Variants in MYOM2 observed in about 807,000 individuals in gnomAD.
The protein encoded by MYOM2 is myomesin-2.
A neutral mutation model predicts 187.6 loss-of-function variants in MYOM2; 254 were observed. The observed-to-expected ratio is 1.35, with a 90% CI of 1.22 to 1.50. The LOEUF (loss-of-function observed/expected upper bound fraction) is 1.50, where lower values mean the gene tolerates loss of function less well. Ranked by LOEUF, MYOM2 falls within the 40% of genes most tolerant of loss-of-function variation. The probability of loss-of-function intolerance (pLI) is 0.00; values close to 1 mark genes in which losing one functional copy is unlikely to be tolerated. For synonymous variants in MYOM2, 981 were observed against 753.8 expected, an observed-to-expected ratio of 1.30 and a Z score of -4.94; for missense variants, 2,796 against 1,924.0, an observed-to-expected ratio of 1.45 and a Z score of -8.48.
At position 2,076,827 on chromosome 8, in the gene MYOM2, A is replaced by G. The variant is rs557204228; in HGVS notation, c.1262+545A>G. 2.6e-4 allele frequency among the ~76,000 whole-genome samples: 40 copies of G among 152,334 alleles called. No individual in the cohort carries two copies. The South Asian group carries it at 5.0e-3, about 19-fold the overall frequency. On this transcript the variant is annotated intron_variant, in intron 11 of 36. Transcript: ENST00000262113. ...TGAGTTGATAACTTACATTTAGGTC[A>G]TCGTTGGAGCCAGTGGAGTTTGAAT... is the stretch of plus-strand genomic sequence containing the variant.
intron 17 of MYOM2, among the ~76,000 whole-genome samples, chr8:2,095,242 A>C (rs1210552837): frequency 6.6e-6 from 1 of 152,012 alleles, no homozygotes; most frequent in Admixed American, 6.5e-5. Flanking sequence ...GGGACTTTCA[A>C]ACATTCCCAT....
chr8:2,085,229 C>A, intron 13 of MYOM2, 34 bp from the exon 14 acceptor site: 1 of 1,605,754 alleles, frequency 6.2e-7, no homozygotes, highest in Non-Finnish European at 8.5e-7. Context: ...TGATGGGGGT[C>A]CTTCAGCACT....
chr8:2,095,535 T>G (rs1260106587), intron 17 of MYOM2, among the ~76,000 whole-genome samples: 4 of 152,116 alleles, frequency 2.6e-5, no homozygotes, highest in African/African-American at 9.7e-5. Flanking sequence ...TAAGCAATCC[T>G]CCTGCCTCGG....
In MYOM2 at chr8:2,140,939, A is replaced by G. The variant is rs1445285149; in HGVS notation, c.3964+53A>G. 3.3e-6 allele frequency: 5 copies of G among 1,536,424 alleles called. No homozygotes were observed. The African/African-American group carries it at 5.5e-5, about 17-fold the overall frequency. The stretch of plus-strand genomic sequence containing the variant: ...TAATTTCCTATTTAGAAATCCATTT[A>G]GATGCTGAAGGGAGGGAATACAATA... On this transcript the variant is annotated intron_variant, in intron 33 of 36. Transcript: ENST00000262113.
At chr8:2,143,257 A>G in intron 35 of MYOM2, 144 bp from the exon 36 acceptor site, 1 of 920,030 alleles carries the variant, frequency 1.1e-6, no homozygotes, top group Non-Finnish European at 1.7e-6. Context: ...GTAAACATAT[A>G]AACCTTTTTC....
chr8:2,127,645 CAGG>C (rs2116874859), intron 31 of MYOM2: 1 of 120,498 alleles, frequency 8.3e-6, no homozygotes, highest in Non-Finnish European at 1.9e-5. Flanking sequence ...GACGCAGCCG[CAGG>C]CAGGCAGTAC....
At chr8:2,045,392 GC>G in intron 1 of MYOM2, among the ~76,000 whole-genome samples, 1 of 152,166 alleles carries the variant, frequency 6.6e-6, no homozygotes. Context: ...ATTTCCCACA[GC>G]CGTGGTCTTT....
At chr8:2,106,128 T>C (rs1284916752) in intron 21 of MYOM2, 114 bp from the exon 22 acceptor site, 1 of 1,076,590 alleles carries the variant, frequency 9.3e-7, no homozygotes, top group East Asian at 2.4e-5. Flanking sequence ...GGGATTACAA[T>C]TTGAGATGAG....
At chr8:2,106,632 G>GT (rs1796903480) in intron 23 of MYOM2, 35 bp downstream of exon 23, 1 of 1,455,780 alleles carries the variant, frequency 6.9e-7, no homozygotes, top group African/African-American at 1.4e-5. Flanking sequence ...GCCTGTTTTG[G>GT]TTTTATCACA....
intron 6 of MYOM2, among the ~76,000 whole-genome samples, chr8:2,064,740 C>T (rs889247823): frequency 6.6e-6 from 1 of 152,186 alleles, no homozygotes; most frequent in Admixed American, 6.5e-5. Context: ...CGAGGGGGGC[C>T]GTGGCCTGGG....
At chr8:2,057,872 G>T in intron 5 of MYOM2, 92 bp downstream of exon 5, 1 of 1,380,438 alleles carries the variant, frequency 7.2e-7, no homozygotes, top group South Asian at 1.4e-5. Context: ...CATTGAACCT[G>T]TGCTGGAGGC....
chr8:2,110,846 G>C (rs1417233957), intron 25 of MYOM2, among the ~76,000 whole-genome samples: 1 of 85,664 alleles, frequency 1.2e-5, no homozygotes, highest in South Asian at 4.5e-4. Flanking sequence ...CAGAAGTCTT[G>C]CAGGTAAGGA....
Position 2,086,497 on chromosome 8 carries a change from CCACTGTCGTGATCTCTGCGTGGCCCCA to C in MYOM2, c.1644+1118_1644+1144del, listed in dbSNP as rs1391501328. Among the ~76,000 whole-genome samples, 55 of 142,002 alleles carry C rather than the reference CCACTGTCGTGATCTCTGCGTGGCCCCA, an allele frequency of 3.9e-4. No individual in the cohort carries two copies. The East Asian group carries it at 5.4e-3, about 14-fold the overall frequency. 93.2% of individuals were successfully genotyped at this position (142,002 alleles called of 152,430 possible). The stretch of plus-strand genomic sequence containing the variant: ...ACTGTCATGATCTCTGTGTGGCCCC[CCACTGTCGTGATCTCTGCGTGGCCCCA>C]CACTGTCGTGTTTGCTGTGTTTTAA... On this transcript the variant is annotated intron_variant, in intron 14 of 36. Coordinates refer to ENST00000262113, the MANE Select transcript of MYOM2 (RefSeq NM_003970.4).
At chr8:2,075,938 G>C (rs1021858225) in intron 10 of MYOM2, among the ~76,000 whole-genome samples, 1 of 152,192 alleles carries the variant, frequency 6.6e-6, no homozygotes, top group Admixed American at 6.5e-5. Flanking sequence ...TCTATGTTTT[G>C]AAGCTTTTTA....
Position 2,134,503 on chromosome 8 carries a change from C to A in MYOM2, c.3800+5271C>A, listed in dbSNP as rs1797997217. Among the ~76,000 whole-genome samples, 3 of 143,952 alleles carry A rather than the reference C, an allele frequency of 2.1e-5. No homozygotes were observed. In the Admixed American group the frequency reaches 2.1e-4, roughly 10 times the overall value. The allele number at this position is 143,952 out of a possible 152,430, so 94.4% of individuals were successfully genotyped here. A position where few individuals can be genotyped will look rare whatever the true frequency, so the allele number is the denominator to read the frequency against. On this transcript the variant is annotated intron_variant, in intron 32 of 36. Coordinates refer to ENST00000262113, the MANE Select transcript of MYOM2 (RefSeq NM_003970.4). ...TTCAGGACTTGGCAAGTCTCTTGTC[C>A]CTCCGCAGACCTGTGTGCTGGGATT...
At chr8:2,136,974 C>T (rs1016596829) in intron 32 of MYOM2, among the ~76,000 whole-genome samples, 23 of 152,058 alleles carry the variant, frequency 1.5e-4, no homozygotes, top group Admixed American at 1.4e-3. Flanking sequence ...GTGGAAACTC[C>T]ACTAGCTTTT....
At chr8:2,106,963 C>T (rs56281329) in intron 23 of MYOM2, among the ~76,000 whole-genome samples, 1,751 of 152,188 alleles carry the variant, frequency 0.012, 20 homozygotes, top group Admixed American at 0.019. Flanking sequence ...CCTTCCAACA[C>T]TGAGAAATCA....
intron 6 of MYOM2, among the ~76,000 whole-genome samples, chr8:2,064,559 G>C (rs555082394): frequency 2.0e-5 from 3 of 152,186 alleles, no homozygotes; most frequent in African/African-American, 7.2e-5. Context: ...GAGGCCAAGC[G>C]GATGGAGGGC....
intron 16 of MYOM2, 138 bp from the exon 17 acceptor site, chr8:2,093,832 A>T (rs1037789911): frequency 9.7e-6 from 10 of 1,029,062 alleles, no homozygotes; most frequent in Non-Finnish European, 1.4e-5. Flanking sequence ...TGTTGAGCTA[A>T]TTAACTAGAA....
Sources: gnomAD v4.1 joint callset for allele counts (sites outside exome capture counted in the v4.1 genomes callset) on GRCh38, gnomAD v4.1.1 for gene constraint, MANE v1.5 for transcripts, NCBI Gene and HGNC (gene_info 2026-07-23, HGNC 2026-07-21) for gene names.